RBMS3: variants seen among roughly 807,000 people sequenced by gnomAD.
The protein encoded by RBMS3 is RNA binding motif single stranded interacting protein 3, also known as RNA-binding motif, single-stranded-interacting protein 3.
A neutral mutation model predicts 66.8 loss-of-function variants in RBMS3; 27 were observed. That is an observed-to-expected ratio of 0.40 (90% CI 0.30 to 0.56). The LOEUF (loss-of-function observed/expected upper bound fraction) is 0.56. RBMS3 is among the 20% of genes least tolerant of loss of function. RBMS3 has a pLI of 0.40. For missense variants in RBMS3, 513 were observed against 549.5 expected (o/e 0.93, Z 0.66); for synonymous variants, 188 against 183.0 (o/e 1.03, Z -0.22).
intron 2 of RBMS3, among the ~76,000 whole-genome samples, chr3:29,478,368 A>G (rs2043020190): frequency 6.6e-6 from 1 of 152,132 alleles, no homozygotes; most frequent in African/African-American, 2.4e-5. Flanking sequence ...TGGTTCCTAA[A>G]TGGTGCCTTC....
At chr3:29,862,333 T>G (rs1390678704) in intron 6 of RBMS3, among the ~76,000 whole-genome samples, 3 of 152,130 alleles carry the variant, frequency 2.0e-5, no homozygotes, top group Non-Finnish European at 4.4e-5. Context: ...TAACATCACT[T>G]TCATGTATTA....
chr3:29,445,201 T>C (rs1051286803), intron 2 of RBMS3, among the ~76,000 whole-genome samples: 1 of 152,078 alleles, frequency 6.6e-6, no homozygotes, highest in Non-Finnish European at 1.5e-5. Context: ...AGTTTGAGTT[T>C]ATATTGGGAG....
At chr3:29,511,840 A>G (rs2044425940) in intron 3 of RBMS3, among the ~76,000 whole-genome samples, 1 of 152,140 alleles carries the variant, frequency 6.6e-6, no homozygotes, top group Non-Finnish European at 1.5e-5. Context: ...GTATCACAAG[A>G]CTAACTGAAA....
chr3:29,911,816 AATT>A (rs1302349808), intron 10 of RBMS3, among the ~76,000 whole-genome samples: 1 of 152,052 alleles, frequency 6.6e-6, no homozygotes, highest in Non-Finnish European at 1.5e-5. Context: ...TATGTGATGA[AATT>A]ACTTTGGGAG....
At chr3:29,691,407 T>G (rs1444986158) in intron 4 of RBMS3, among the ~76,000 whole-genome samples, 1 of 152,134 alleles carries the variant, frequency 6.6e-6, no homozygotes, top group Non-Finnish European at 1.5e-5. Flanking sequence ...TGGCTTGAAA[T>G]GAACTTTCTC....
At chr3:29,476,630 T>C (rs1322079761) in intron 2 of RBMS3, among the ~76,000 whole-genome samples, 3 of 152,204 alleles carry the variant, frequency 2.0e-5, no homozygotes, top group Non-Finnish European at 4.4e-5. Flanking sequence ...AAAATAGCTG[T>C]GGTCTCTTTC....
intron 5 of RBMS3, among the ~76,000 whole-genome samples, chr3:29,752,779 C>T (rs1176072882): frequency 6.6e-6 from 1 of 152,044 alleles, no homozygotes; most frequent in Non-Finnish European, 1.5e-5. Context: ...ATCACAAAAA[C>T]ATGACTCTTA....
chr3:29,314,038 C>A (rs918957093), intron 1 of RBMS3, among the ~76,000 whole-genome samples: 1 of 151,550 alleles, frequency 6.6e-6, no homozygotes, highest in Non-Finnish European at 1.5e-5. Flanking sequence ...TTGGCTTTGT[C>A]TACTTTGCAG....
chr3:29,662,223 T>C (rs2068021), intron 4 of RBMS3, among the ~76,000 whole-genome samples: 5,371 of 152,252 alleles, frequency 0.035, 210 homozygotes, highest in African/African-American at 0.09. Context: ...TGAAAACTTA[T>C]GAAGTCATGG....
At chr3:29,419,883 A>G (rs2040630946) in intron 1 of RBMS3, among the ~76,000 whole-genome samples, 1 of 152,198 alleles carries the variant, frequency 6.6e-6, no homozygotes, top group Non-Finnish European at 1.5e-5. Flanking sequence ...CACTACCAAC[A>G]TGATTTTAAG....
intron 10 of RBMS3, among the ~76,000 whole-genome samples, chr3:29,916,988 A>C (rs1313682955): frequency 6.6e-6 from 1 of 152,056 alleles, no homozygotes; most frequent in Non-Finnish European, 1.5e-5. Flanking sequence ...TTTTCCCTTA[A>C]CACTGAAAAT....
rs796793109 is a variant in RBMS3, at chr3:29,898,767, G to T, written c.889-938G>T. On this transcript the variant is annotated intron_variant, in intron 9 of 14. Coordinates refer to ENST00000383767, the MANE Select transcript of RBMS3 (RefSeq NM_001003793.3). The stretch of plus-strand genomic sequence containing the variant: ...TGTGTGTGTGTGTGTGTGTGTGTGT[G>T]TTTCCTTTTTTTTTCTAATCTTGGC... 2.0e-5 allele frequency among the ~76,000 whole-genome samples: 3 copies of T among 150,052 alleles called. No individual in the cohort carries two copies. The South Asian group carries it at 6.3e-4, about 32-fold the overall frequency.
intron 1 of RBMS3, among the ~76,000 whole-genome samples, chr3:29,419,989 T>C (rs1410346747): frequency 3.9e-5 from 6 of 152,230 alleles, no homozygotes; most frequent in African/African-American, 9.6e-5. Flanking sequence ...TTGGTGTCTC[T>C]GTTTTCATTC....
chr3:29,755,710 G>A (rs1453598261), intron 5 of RBMS3, among the ~76,000 whole-genome samples: 1 of 152,196 alleles, frequency 6.6e-6, no homozygotes, highest in Non-Finnish European at 1.5e-5. Flanking sequence ...CTAGACAGAA[G>A]TGCCAAAGCA....
chr3:29,338,736 C>G (rs1041218550), intron 1 of RBMS3, among the ~76,000 whole-genome samples: 1 of 143,638 alleles, frequency 7.0e-6, no homozygotes, highest in Non-Finnish European at 1.5e-5. Context: ...CCCTTCCTTC[C>G]TCATCCTTAT....
intron 6 of RBMS3, among the ~76,000 whole-genome samples, chr3:29,815,757 G>A (rs1192151086): frequency 6.6e-6 from 1 of 151,644 alleles, no homozygotes; most frequent in Non-Finnish European, 1.5e-5. Context: ...GCATAAAAAT[G>A]ATATAATGGA....
chr3:29,915,696 G>T (rs2060623067), intron 10 of RBMS3, among the ~76,000 whole-genome samples: 1 of 151,888 alleles, frequency 6.6e-6, no homozygotes, highest in Non-Finnish European at 1.5e-5. Flanking sequence ...GGTCCTTTTA[G>T]TGGAATATTA....
intron 2 of RBMS3, among the ~76,000 whole-genome samples, chr3:29,487,922 A>G (rs542679123): frequency 6.6e-6 from 1 of 152,296 alleles, no homozygotes; most frequent in South Asian, 2.1e-4. Flanking sequence ...TTTAACTACT[A>G]TATTACATTG....
intron 2 of RBMS3, among the ~76,000 whole-genome samples, chr3:29,459,563 T>C (rs1463043142): frequency 1.3e-5 from 2 of 152,200 alleles, no homozygotes; most frequent in African/African-American, 4.8e-5. Flanking sequence ...ATTCATTCAG[T>C]CTTTCACTCA....
Sources: allele counts gnomAD v4.1 joint callset (sites outside exome capture counted in the v4.1 genomes callset), GRCh38; gene constraint gnomAD v4.1.1; transcripts MANE v1.5; gene names NCBI Gene and HGNC (gene_info 2026-07-23, HGNC 2026-07-21).